ST6GALNAC3: variants seen among roughly 807,000 people sequenced by gnomAD.
The protein encoded by ST6GALNAC3 is ST6 N-acetylgalactosaminide alpha-2,6-sialyltransferase 3, also known as alpha-N-acetylgalactosaminide alpha-2,6-sialyltransferase 3.
ST6GALNAC3 carries 25 observed loss-of-function variants against 32.7 expected under a neutral mutation model. The observed-to-expected ratio is 0.76, with a 90% CI of 0.56 to 1.07. ST6GALNAC3 has a LOEUF of 1.07. ST6GALNAC3 is among the 50% of genes least tolerant of loss of function. The pLI is 0.00. For synonymous variants in ST6GALNAC3, 129 were observed against 133.1 expected, an observed-to-expected ratio of 0.97 and a Z score of 0.21; for missense variants, 355 against 382.4, an observed-to-expected ratio of 0.93 and a Z score of 0.60.
At chr1:76,358,396 G>T (rs577817863) in intron 2 of ST6GALNAC3, among the ~76,000 whole-genome samples, 1 of 152,182 alleles carries the variant, frequency 6.6e-6, no homozygotes, top group South Asian at 2.1e-4. Context: ...GAATGACTTT[G>T]CAGCCTTCCC....
At chr1:76,148,859 G>A (rs1023900095) in intron 1 of ST6GALNAC3, among the ~76,000 whole-genome samples, 1 of 152,186 alleles carries the variant, frequency 6.6e-6, no homozygotes, top group Non-Finnish European at 1.5e-5. Context: ...TTAACTAAAT[G>A]AATGAAAATT....
chr1:76,625,084 C>T (rs891351622), intron 3 of ST6GALNAC3, among the ~76,000 whole-genome samples: 2 of 151,952 alleles, frequency 1.3e-5, no homozygotes, highest in East Asian at 1.9e-4. Flanking sequence ...GCCTCATGTT[C>T]GAGTAGCAGC....
chr1:76,635,533 C>T (rs61771673), downstream of ST6GALNAC3, among the ~76,000 whole-genome samples: 18,137 of 152,122 alleles, frequency 0.12, 1,456 homozygotes, highest in Admixed American at 0.24. Flanking sequence ...CAGCTTTTGA[C>T]GAAATGAGAT....
At chr1:76,586,090 G>A (rs1402856089) in intron 3 of ST6GALNAC3, among the ~76,000 whole-genome samples, 1 of 152,058 alleles carries the variant, frequency 6.6e-6, no homozygotes, top group Admixed American at 6.6e-5. Context: ...ACTCTGTTTT[G>A]GTCTGTCCTA....
intron 1 of ST6GALNAC3, among the ~76,000 whole-genome samples, chr1:76,081,285 T>TA (rs10526487): frequency 0.11 from 13,318 of 119,312 alleles, 1,896 homozygotes; most frequent in African/African-American, 0.34. Flanking sequence ...GCTGGTGAGC[T>TA]AAAAAAAAAA....
intron 2 of ST6GALNAC3, among the ~76,000 whole-genome samples, chr1:76,337,588 G>A (rs1239243128): frequency 1.3e-5 from 2 of 152,072 alleles, no homozygotes; most frequent in African/African-American, 4.8e-5. Flanking sequence ...CCTAAATTGT[G>A]GCCTGGGGGT....
At chr1:76,270,624 C>CT (rs368768044) in intron 1 of ST6GALNAC3, among the ~76,000 whole-genome samples, 73 of 149,566 alleles carry the variant, frequency 4.9e-4, no homozygotes, top group African/African-American at 1.7e-3. Context: ...TATAATGAAA[C>CT]TGAAATCCAC....
rs1427418496 is a variant in ST6GALNAC3 at position 76,632,626 on chromosome 1, T to C, written c.*3820T>C. On this transcript the variant is annotated 3_prime_UTR_variant, in exon 5 of 5. Coordinates refer to ENST00000328299, the MANE Select transcript of ST6GALNAC3 (RefSeq NM_152996.4). The stretch of plus-strand genomic sequence containing the variant: ...ATCAGCTGAGGTAGGAACAAGAGTC[T>C]GAATTGGGGACCTGCTGACCTTCCA... The C allele has an allele frequency of 6.6e-6, 1 of 152,132 alleles. No individual in the cohort carries two copies. Among genetic ancestry groups the C allele is most frequent in the Non-Finnish European group, 1.5e-5 (1 of 68,008 alleles). 9.4% of individuals were successfully genotyped at this position (152,132 alleles called of 1,614,324 possible).
At chr1:76,432,844 T>C (rs1655862296) in intron 3 of ST6GALNAC3, among the ~76,000 whole-genome samples, 1 of 152,186 alleles carries the variant, frequency 6.6e-6, no homozygotes, top group Non-Finnish European at 1.5e-5. Context: ...TTCCTTCATT[T>C]GTACCATCAA....
chr1:76,633,000 A>G lies in ST6GALNAC3; in HGVS notation c.*4194A>G, dbSNP rs867370313. On this transcript the variant is annotated 3_prime_UTR_variant, in exon 5 of 5. Transcript: ENST00000328299. ...AGACCTCATCATTTCAGTAGTGTACATAGATTAGTGACTGAAGGAGCCAGT... is the reference window on the plus strand; with the variant it reads ...AGACCTCATCATTTCAGTAGTGTACGTAGATTAGTGACTGAAGGAGCCAGT... 6.6e-6 allele frequency: 1 copy of G among 152,198 alleles called. No individual in the cohort carries two copies. Among genetic ancestry groups the G allele is most frequent in the Non-Finnish European group, 1.5e-5 (1 of 68,030 alleles). 9.4% of individuals were successfully genotyped at this position (152,198 alleles called of 1,614,324 possible).
chr1:76,188,864 G>A (rs1260919325), intron 1 of ST6GALNAC3, among the ~76,000 whole-genome samples: 1 of 152,176 alleles, frequency 6.6e-6, no homozygotes, highest in African/African-American at 2.4e-5. Context: ...GTTGTCAGAG[G>A]TGGAAGAAAA....
chr1:76,137,018 A>C (rs1234573121), intron 1 of ST6GALNAC3, among the ~76,000 whole-genome samples: 2 of 152,138 alleles, frequency 1.3e-5, no homozygotes, highest in African/African-American at 4.8e-5. Context: ...GAAAGCCAAA[A>C]CTCAGATTGG....
intron 2 of ST6GALNAC3, among the ~76,000 whole-genome samples, chr1:76,352,143 A>G (rs1261206521): frequency 6.6e-6 from 1 of 152,220 alleles, no homozygotes; most frequent in African/African-American, 2.4e-5. Context: ...ATGCTGTTTG[A>G]ATACCACCAT....
chr1:76,574,863 G>A (rs1324661771), intron 3 of ST6GALNAC3, among the ~76,000 whole-genome samples: 1 of 152,114 alleles, frequency 6.6e-6, no homozygotes, highest in African/African-American at 2.4e-5. Flanking sequence ...CTTGTCAGCA[G>A]AGTTGATTCA....
At chr1:76,383,652 T>C (rs1651886307) in intron 2 of ST6GALNAC3, among the ~76,000 whole-genome samples, 1 of 151,974 alleles carries the variant, frequency 6.6e-6, no homozygotes, top group African/African-American at 2.4e-5. Flanking sequence ...AAAGAAGCAA[T>C]GAAGAGTAAG....
chr1:76,635,872 C>A (rs143437809), downstream of ST6GALNAC3, among the ~76,000 whole-genome samples: 1 of 152,298 alleles, frequency 6.6e-6, no homozygotes, highest in African/African-American at 2.4e-5. Flanking sequence ...CACCCACATT[C>A]TATTGGCCAG....
At chr1:76,299,222 G>A (rs1660586384) in intron 1 of ST6GALNAC3, among the ~76,000 whole-genome samples, 1 of 151,994 alleles carries the variant, frequency 6.6e-6, no homozygotes, top group Non-Finnish European at 1.5e-5. Flanking sequence ...AGGGTGTGGA[G>A]GCGGCCTTTC....
intron 2 of ST6GALNAC3, among the ~76,000 whole-genome samples, chr1:76,371,329 C>T (rs1474923899): frequency 6.6e-6 from 1 of 151,970 alleles, no homozygotes; most frequent in Non-Finnish European, 1.5e-5. Flanking sequence ...AAAAATGAAG[C>T]ATATGTGGTA....
chr1:76,191,437 T>A (rs1181353625), intron 1 of ST6GALNAC3, among the ~76,000 whole-genome samples: 1 of 152,106 alleles, frequency 6.6e-6, no homozygotes, highest in African/African-American at 2.4e-5. Context: ...TTAGGAAGAC[T>A]GCGTTCCGGT....
Sources: allele counts gnomAD v4.1 joint callset (sites outside exome capture counted in the v4.1 genomes callset), GRCh38; gene constraint gnomAD v4.1.1; transcripts MANE v1.5; gene names NCBI Gene and HGNC (gene_info 2026-07-23, HGNC 2026-07-21).